The following TANGO6 variants were observed in gnomAD, a reference collection of about 807,000 sequenced individuals.
TANGO6 encodes transport and golgi organization 6 homolog.
Under a neutral mutation model 114.2 loss-of-function variants are expected in TANGO6, and 90 were observed. That is an observed-to-expected ratio of 0.79 (90% CI 0.66 to 0.94). TANGO6 has a LOEUF of 0.94. TANGO6 is among the 40% of genes least tolerant of loss of function. The pLI is 0.00. For missense variants in TANGO6, 1,274 were observed against 1,315.3 expected, an observed-to-expected ratio of 0.97 and a Z score of 0.49; for synonymous variants, 477 against 509.8, an observed-to-expected ratio of 0.94 and a Z score of 0.87.
intron 15 of TANGO6, among the ~76,000 whole-genome samples, chr16:68,982,815 C>G (rs115550146): frequency 0.02 from 3,096 of 151,734 alleles, 116 homozygotes; most frequent in African/African-American, 0.071. Context: ...ATGCCTCTTA[C>G]CCTTTATTTC....
At chr16:68,859,048 TACATATTCTGGGGGGAA>T (rs1435365773) in intron 1 of TANGO6, among the ~76,000 whole-genome samples, 2 of 152,204 alleles carry the variant, frequency 1.3e-5, no homozygotes, top group African/African-American at 4.8e-5. Flanking sequence ...CTGTTGAAAA[TACATATTCTGGGGGGAA>T]ACGATGTGGT....
chr16:68,888,570 A>T (rs112738221), intron 7 of TANGO6, among the ~76,000 whole-genome samples: 1 of 152,188 alleles, frequency 6.6e-6, no homozygotes, highest in Non-Finnish European at 1.5e-5. Context: ...TATTTCCTCC[A>T]TTCTCATTTC....
At chr16:68,866,447 C>A (rs1363755196) in intron 3 of TANGO6, among the ~76,000 whole-genome samples, 84 of 149,424 alleles carry the variant, frequency 5.6e-4, no homozygotes, top group Non-Finnish European at 7.4e-5. Flanking sequence ...CAAGGTGAAA[C>A]CCCATCTCTA....
chr16:68,873,208 T>C (rs188910076), intron 4 of TANGO6, among the ~76,000 whole-genome samples: 1 of 152,200 alleles, frequency 6.6e-6, no homozygotes, highest in African/African-American at 2.4e-5. Flanking sequence ...CTTCACCTCC[T>C]GGTCTCTTTG....
In TANGO6 at chr16:68,927,428, G is replaced by C. The variant is rs1419141005; in HGVS notation, c.2128-140G>C. On this transcript the variant is annotated intron_variant, in intron 12 of 17. Coordinates refer to ENST00000261778, the MANE Select transcript of TANGO6 (RefSeq NM_024562.2). The stretch of plus-strand genomic sequence containing the variant: ...ATTCAACAAATGGTATTCAGTGCTG[G>C]ACCCAGGCAATACACTGATTACACC... 6 of 807,932 alleles carry C rather than the reference G, an allele frequency of 7.4e-6. No individual in the cohort carries two copies. In the African/African-American group the frequency reaches 1.0e-4, roughly 14 times the overall value. The allele number at this position is 807,932 out of a possible 1,614,324, so 50.0% of individuals were successfully genotyped here. A position where few individuals can be genotyped will look rare whatever the true frequency, so the allele number is the denominator to read the frequency against.
At chr16:69,020,929 TGTGTGTGTGTGTG>T (rs1297544956) in intron 15 of TANGO6, among the ~76,000 whole-genome samples, 38 of 142,654 alleles carry the variant, frequency 2.7e-4, no homozygotes, top group African/African-American at 8.8e-4. Flanking sequence ...TGTGTGTGTG[TGTGTGTGTGTGTG>T]GTGTGTGTGT....
At chr16:69,073,846 A>G (rs1597080703) in intron 17 of TANGO6, among the ~76,000 whole-genome samples, 2 of 151,576 alleles carry the variant, frequency 1.3e-5, no homozygotes, top group African/African-American at 4.8e-5. Flanking sequence ...TCCCAGCAAT[A>G]TGGGAGGCTG....
intron 17 of TANGO6, among the ~76,000 whole-genome samples, chr16:69,054,955 A>AG (rs1960010822): frequency 6.6e-6 from 1 of 151,718 alleles, no homozygotes; most frequent in South Asian, 2.1e-4. Flanking sequence ...AAAAAAAAAA[A>AG]AAAAAAAAAC....
At chr16:68,977,136 G>C (rs1353998620) in intron 15 of TANGO6, among the ~76,000 whole-genome samples, 1 of 152,106 alleles carries the variant, frequency 6.6e-6, no homozygotes, top group East Asian at 1.9e-4. Flanking sequence ...CAGCACTTCA[G>C]AGGATTTATA....
chr16:69,020,270 A>C lies in TANGO6; in HGVS notation c.2843-2558A>C, dbSNP rs1171613082. Reference sequence around the variant, plus strand: ...CAATCTGATAGGACCAGTGTTGTATATGCAGTCCATGATTGACCAAAGCAT... The same window carrying C: ...CAATCTGATAGGACCAGTGTTGTATCTGCAGTCCATGATTGACCAAAGCAT... On this transcript the variant is annotated intron_variant, in intron 15 of 17. Coordinates refer to ENST00000261778, the MANE Select transcript of TANGO6 (RefSeq NM_024562.2). Among the ~76,000 whole-genome samples the C allele has an allele frequency of 2.0e-5, 3 of 152,316 alleles. No homozygotes were observed. In the East Asian group the frequency reaches 5.8e-4, roughly 29 times the overall value.
intron 14 of TANGO6, 116 bp downstream of exon 14, chr16:68,930,411 CT>C (rs1414184723): frequency 1.3e-5 from 10 of 796,882 alleles, no homozygotes; most frequent in South Asian, 8.3e-5. Context: ...TTTTGTCCGT[CT>C]TCCTGCCTCC....
intron 17 of TANGO6, among the ~76,000 whole-genome samples, chr16:69,051,541 G>T (rs1045288525): frequency 6.6e-6 from 1 of 152,156 alleles, no homozygotes; most frequent in Non-Finnish European, 1.5e-5. Context: ...AAATTAACTG[G>T]GTGTGGTATT....
intron 4 of TANGO6, among the ~76,000 whole-genome samples, chr16:68,868,992 A>G (rs1962224243): frequency 6.6e-6 from 1 of 152,160 alleles, no homozygotes; most frequent in Non-Finnish European, 1.5e-5. Context: ...TTCAGTGTTT[A>G]TATTAGTGTA....
intron 17 of TANGO6, among the ~76,000 whole-genome samples, chr16:69,047,191 A>T (rs1469471254): frequency 6.7e-6 from 1 of 150,338 alleles, no homozygotes; most frequent in Admixed American, 6.7e-5. Flanking sequence ...AAAAAAAAAA[A>T]AAAAAAGAGT....
chr16:68,888,640 C>T (rs1000584111), intron 7 of TANGO6, among the ~76,000 whole-genome samples: 4 of 152,124 alleles, frequency 2.6e-5, no homozygotes, highest in African/African-American at 9.7e-5. Context: ...CAAGTCTTTT[C>T]TCCATCTAAT....
At chr16:69,054,323 CAGAG>C (rs1959998731) in intron 17 of TANGO6, among the ~76,000 whole-genome samples, 3 of 152,278 alleles carry the variant, frequency 2.0e-5, no homozygotes. Context: ...TACCTGGATG[CAGAG>C]AGTAGTAGAA....
At chr16:68,860,558 TTG>T in intron 2 of TANGO6, 34 bp downstream of exon 2, 14 of 1,595,210 alleles carry the variant, frequency 8.8e-6, no homozygotes, top group Non-Finnish European at 1.2e-5. Context: ...GAGGGAGAGA[TTG>T]TGTGTGTATG....
intron 12 of TANGO6, among the ~76,000 whole-genome samples, chr16:68,921,999 T>G (rs1963100213): frequency 6.6e-6 from 1 of 152,078 alleles, no homozygotes; most frequent in African/African-American, 2.4e-5. Flanking sequence ...TAGAAAAAAA[T>G]GTCATGGTTC....
intron 7 of TANGO6, among the ~76,000 whole-genome samples, chr16:68,882,504 A>G (rs1962478471): frequency 6.6e-6 from 1 of 152,036 alleles, no homozygotes; most frequent in Admixed American, 6.6e-5. Flanking sequence ...CTCAAAAAAA[A>G]AAAAAGAAAA....
Sources: gnomAD v4.1 joint callset for allele counts (sites outside exome capture counted in the v4.1 genomes callset) on GRCh38, gnomAD v4.1.1 for gene constraint, MANE v1.5 for transcripts, NCBI Gene and HGNC (gene_info 2026-07-23, HGNC 2026-07-21) for gene names.